Variants in EPB41L5 observed in about 807,000 individuals in gnomAD.
EPB41L5 encodes band 4.1-like protein 5.
Under a neutral mutation model 106.6 loss-of-function variants are expected in EPB41L5, and 55 were observed. That is an observed-to-expected ratio of 0.52 (90% CI 0.42 to 0.65). The LOEUF (loss-of-function observed/expected upper bound fraction) is 0.65, where lower values mean the gene tolerates loss of function less well. Among genes scored for constraint, EPB41L5 ranks in the 30% least tolerant of loss-of-function variants. The probability of loss-of-function intolerance (pLI) is 0.00; values close to 1 mark genes in which losing one functional copy is unlikely to be tolerated. For synonymous variants in EPB41L5, 297 were observed against 306.7 expected, an observed-to-expected ratio of 0.97 and a Z score of 0.33; for missense variants, 871 against 882.1, an observed-to-expected ratio of 0.99 and a Z score of 0.16.
chr2:120,060,840 C>T (rs1303122170), intron 3 of EPB41L5, among the ~76,000 whole-genome samples: 1 of 151,980 alleles, frequency 6.6e-6, no homozygotes, highest in Non-Finnish European at 1.5e-5. Context: ...GACCGGGCCT[C>T]TTCTTACTAT....
chr2:120,042,239 C>T (rs940752840), intron 3 of EPB41L5, 129 bp downstream of exon 3: 8 of 547,796 alleles, frequency 1.5e-5, no homozygotes, highest in East Asian at 3.1e-5. Flanking sequence ...ACACCGCTCC[C>T]TCCCCCCACC....
intron 2 of EPB41L5, among the ~76,000 whole-genome samples, chr2:120,033,535 C>G (rs1678849452): frequency 6.6e-6 from 1 of 151,246 alleles, no homozygotes; most frequent in Non-Finnish European, 1.5e-5. Context: ...TGGTGAAACC[C>G]CATCTCTATT....
At chr2:120,098,149 G>GT (rs1683877961) in intron 14 of EPB41L5, among the ~76,000 whole-genome samples, 2 of 21,256 alleles carry the variant, frequency 9.4e-5, no homozygotes, top group East Asian at 2.2e-3. Flanking sequence ...GCACTAAATT[G>GT]TTTGTTTTGT....
At chr2:120,104,723 T>G in intron 16 of EPB41L5, 1 of 940,006 alleles carries the variant, frequency 1.1e-6, no homozygotes, top group Non-Finnish European at 1.3e-6. Flanking sequence ...ATGTCTAAAG[T>G]GACACATACC....
In EPB41L5 at chr2:120,116,696, T is replaced by A. The variant is rs557449373; in HGVS notation, c.1338-10992T>A. ...ACCACACCTGGCTAATTTTTTTATTTTTTTTTATTTTTTGTAGAGATACAG... is the reference window on the plus strand; with the variant it reads ...ACCACACCTGGCTAATTTTTTTATTATTTTTTATTTTTTGTAGAGATACAG... On this transcript the variant is annotated intron_variant, in intron 16 of 24. Transcript: ENST00000263713. Among the ~76,000 whole-genome samples, 9 of 152,232 alleles carry A rather than the reference T, an allele frequency of 5.9e-5. No homozygotes were observed. The South Asian group carries it at 1.7e-3, about 28-fold the overall frequency.
intron 10 of EPB41L5, among the ~76,000 whole-genome samples, chr2:120,080,303 T>C (rs951261713): frequency 4.0e-5 from 6 of 151,370 alleles, no homozygotes; most frequent in African/African-American, 1.5e-4. Flanking sequence ...TTCCCCTTCC[T>C]GTGTCCAAGT....
At chr2:120,036,150 C>G (rs1356129741) in intron 2 of EPB41L5, among the ~76,000 whole-genome samples, 1 of 152,158 alleles carries the variant, frequency 6.6e-6, no homozygotes, top group East Asian at 1.9e-4. Context: ...TAAAAAGTTT[C>G]TCACCTCTAA....
intron 19 of EPB41L5, among the ~76,000 whole-genome samples, chr2:120,145,595 C>G (rs544776329): frequency 4.6e-5 from 7 of 152,106 alleles, no homozygotes; most frequent in African/African-American, 1.7e-4. Flanking sequence ...ATGATGTTGG[C>G]TAAACACTTG....
At chr2:120,066,831 T>C (rs1398070259) in intron 3 of EPB41L5, among the ~76,000 whole-genome samples, 4 of 152,248 alleles carry the variant, frequency 2.6e-5, no homozygotes, top group African/African-American at 9.6e-5. Flanking sequence ...TTACTCAGTA[T>C]GTGATTTGCA....
chr2:120,058,347 G>A (rs1007827120), intron 3 of EPB41L5, among the ~76,000 whole-genome samples: 1 of 151,912 alleles, frequency 6.6e-6, no homozygotes, highest in African/African-American at 2.4e-5. Flanking sequence ...CACCATGCCT[G>A]GCTAATTTAA....
At position 120,074,087 on chromosome 2, in the gene EPB41L5, T is replaced by C; in HGVS notation, c.329-13T>C. The C allele has an allele frequency of 6.3e-7, 1 of 1,584,524 alleles. No individual in the cohort carries two copies. Among genetic ancestry groups the C allele is most frequent in the Non-Finnish European group, 8.6e-7 (1 of 1,166,300 alleles). On this transcript the variant is annotated splice_polypyrimidine_tract_variant and intron_variant, in intron 4 of 24. Transcript: ENST00000263713. ...TTTATTTTATTAAAACCTTTTTTTT[T>C]TTTAAATGACAGTTGGTTCACCCTA...
intron 20 of EPB41L5, among the ~76,000 whole-genome samples, chr2:120,157,020 T>C (rs1392367383): frequency 6.6e-6 from 1 of 152,194 alleles, no homozygotes; most frequent in African/African-American, 2.4e-5. Flanking sequence ...TACTCTAAAG[T>C]TGATTACATA....
At position 120,174,806 on chromosome 2, in the gene EPB41L5, G is replaced by A. The variant is rs756246927; in HGVS notation, c.2136-35G>A. 10 of 1,603,686 alleles carry A rather than the reference G, an allele frequency of 6.2e-6. 1 individual carries two copies. In the South Asian group the frequency reaches 8.8e-5, roughly 14 times the overall value. ...TGAATGTCCTCCTCCAAACCCCAGG[G>A]GTTCCCTGAGTAACCCATTCTCTCT... On this transcript the variant is annotated intron_variant, in intron 24 of 24. Transcript: ENST00000263713.
intron 18 of EPB41L5, among the ~76,000 whole-genome samples, chr2:120,132,474 A>C (rs1685743231): frequency 6.6e-6 from 1 of 152,198 alleles, no homozygotes; most frequent in Non-Finnish European, 1.5e-5. Context: ...TTGGATAACT[A>C]ACTGGAATTC....
At chr2:120,075,061 C>G (rs904362854) in intron 5 of EPB41L5, among the ~76,000 whole-genome samples, 6 of 152,178 alleles carry the variant, frequency 3.9e-5, no homozygotes, top group African/African-American at 1.4e-4. Context: ...CTCCTGGCCT[C>G]AAGTGATCCA....
chr2:120,054,189 C>A (rs1028982763), intron 3 of EPB41L5, among the ~76,000 whole-genome samples: 3 of 152,126 alleles, frequency 2.0e-5, no homozygotes, highest in African/African-American at 2.4e-5. Flanking sequence ...TGCTTGTTTG[C>A]CGTTTGTGTA....
chr2:120,152,433 GTA>G (rs547992622), intron 20 of EPB41L5, among the ~76,000 whole-genome samples: 8 of 151,914 alleles, frequency 5.3e-5, no homozygotes, highest in Admixed American at 4.6e-4. Flanking sequence ...TAGGACTTTT[GTA>G]TATATATTCA....
In EPB41L5 at chr2:120,042,155, A is replaced by C. The variant is rs1274311029; in HGVS notation, c.285+45A>C. 47 of 1,418,220 alleles carry C rather than the reference A, an allele frequency of 3.3e-5. No homozygotes were observed. The East Asian group carries it at 1.0e-3, about 30-fold the overall frequency. The allele number at this position is 1,418,220 out of a possible 1,614,324, so 87.9% of individuals were successfully genotyped here. Reference sequence around the variant, plus strand: ...AAGTTTTAGCATAAGGAGAAGAAACAGGAAATTTCAGATGATATACTAATT... The same window carrying C: ...AAGTTTTAGCATAAGGAGAAGAAACCGGAAATTTCAGATGATATACTAATT... On this transcript the variant is annotated intron_variant, in intron 3 of 24. Coordinates refer to ENST00000263713, the MANE Select transcript of EPB41L5 (RefSeq NM_020909.4).
chr2:120,151,291 C>G (rs1686660960), intron 20 of EPB41L5, among the ~76,000 whole-genome samples: 1 of 151,668 alleles, frequency 6.6e-6, no homozygotes, highest in Non-Finnish European at 1.5e-5. Context: ...CGGAGCGAGA[C>G]TCCATCTCAA....
Sources: allele counts gnomAD v4.1 joint callset (sites outside exome capture counted in the v4.1 genomes callset), GRCh38; gene constraint gnomAD v4.1.1; transcripts MANE v1.5; gene names NCBI Gene and HGNC (gene_info 2026-07-23, HGNC 2026-07-21).